IL1RAPL1: variants seen among roughly 807,000 people sequenced by gnomAD.
IL1RAPL1 encodes interleukin 1 receptor accessory protein like 1, also known as interleukin-1 receptor accessory protein-like 1.
Under a neutral mutation model 48.4 loss-of-function variants are expected in IL1RAPL1, and 3 were observed. The observed-to-expected ratio is 0.06, with a 90% CI of 0.03 to 0.16. The LOEUF (loss-of-function observed/expected upper bound fraction) is 0.16. IL1RAPL1 is among the 10% of genes least tolerant of loss of function. The pLI, the probability that IL1RAPL1 is intolerant of heterozygous loss-of-function variation, is 1.00. For missense variants in IL1RAPL1, 349 were observed against 530.6 expected, an observed-to-expected ratio of 0.66 and a Z score of 3.36; for synonymous variants, 185 against 187.7, an observed-to-expected ratio of 0.99 and a Z score of 0.12.
At chrX:28,737,192 TC>T (rs1569161895) in intron 1 of IL1RAPL1, among the ~76,000 whole-genome samples, 4 of 90,532 alleles carry the variant, frequency 4.4e-5, no homozygotes, top group East Asian at 3.6e-4. Context: ...CTTTCCTTTC[TC>T]TTTCTTTCTT....
chrX:29,343,957 G>A (rs1029348628), intron 3 of IL1RAPL1, among the ~76,000 whole-genome samples: 1 of 111,930 alleles, frequency 8.9e-6, no homozygotes, highest in Non-Finnish European at 1.9e-5. Flanking sequence ...AGGACATATC[G>A]AAAGTAGATT....
chrX:29,232,954 G>A (rs1414250574), intron 2 of IL1RAPL1, among the ~76,000 whole-genome samples: 8 of 108,786 alleles, frequency 7.4e-5, no homozygotes, highest in Non-Finnish European at 1.5e-4. Context: ...ACCCGCCACC[G>A]CACCCAGCTA....
rs752009854 is a variant in IL1RAPL1, at chrX:29,570,376, A to G, written c.704-98054A>G. 5.3e-5 allele frequency among the ~76,000 whole-genome samples: 6 copies of G among 112,618 alleles called. No homozygotes were observed. In the East Asian group the frequency reaches 1.7e-3, roughly 31 times the overall value. On this transcript the variant is annotated intron_variant, in intron 5 of 10. Transcript: ENST00000378993. ...TAAGCTAATTTTTATTTTAATACCAATAGACATTACATGCTTTCTTAGAAA... is the reference window on the plus strand; with the variant it reads ...TAAGCTAATTTTTATTTTAATACCAGTAGACATTACATGCTTTCTTAGAAA...
intron 6 of IL1RAPL1, among the ~76,000 whole-genome samples, chrX:29,881,549 A>T (rs982142286): frequency 9.1e-6 from 1 of 110,214 alleles, no homozygotes; most frequent in African/African-American, 3.3e-5. Context: ...AATTTTGTAA[A>T]TTTTAATTTT....
intron 6 of IL1RAPL1, among the ~76,000 whole-genome samples, chrX:29,803,247 A>ATATACACACATGTATATATGTATG: frequency 2.8e-5 from 1 of 36,032 alleles, no homozygotes; most frequent in Non-Finnish European, 5.4e-5. Context: ...ATATATGTAT[A>ATATACACACATGTATATATGTATG]CATATACACA....
intron 5 of IL1RAPL1, among the ~76,000 whole-genome samples, chrX:29,654,444 C>G (rs1446270944): frequency 1.8e-5 from 2 of 112,079 alleles, no homozygotes; most frequent in Non-Finnish European, 3.8e-5. Flanking sequence ...TTCCAAATGG[C>G]TCAGGAGGCC....
At chrX:28,971,454 T>C (rs758736343) in intron 2 of IL1RAPL1, among the ~76,000 whole-genome samples, 1 of 111,962 alleles carries the variant, frequency 8.9e-6, no homozygotes, top group South Asian at 3.7e-4. Context: ...CTTCGTAATC[T>C]CTAGCAGATA....
intron 2 of IL1RAPL1, among the ~76,000 whole-genome samples, chrX:29,236,066 A>G (rs907840477): frequency 1.8e-5 from 2 of 112,585 alleles, no homozygotes; most frequent in African/African-American, 6.5e-5. Context: ...ATCATTTGTC[A>G]ACAATTTTAT....
chrX:29,594,528 A>G (rs1923480888), intron 5 of IL1RAPL1, among the ~76,000 whole-genome samples: 1 of 111,776 alleles, frequency 8.9e-6, no homozygotes, highest in East Asian at 2.8e-4. Context: ...GTGCTAGAAT[A>G]CAATATATAT....
intron 1 of IL1RAPL1, among the ~76,000 whole-genome samples, chrX:28,657,562 T>G (rs957353475): frequency 3.5e-5 from 4 of 112,691 alleles, no homozygotes; most frequent in African/African-American, 1.3e-4. Flanking sequence ...TATATGGACA[T>G]TTGTATATTT....
intron 1 of IL1RAPL1, among the ~76,000 whole-genome samples, chrX:28,628,269 A>T (rs1934362949): frequency 8.9e-6 from 1 of 112,117 alleles, no homozygotes. Context: ...TATTAACCAA[A>T]AGAAGTCACA....
intron 2 of IL1RAPL1, among the ~76,000 whole-genome samples, chrX:29,126,122 G>T (rs1928894833): frequency 9.0e-6 from 1 of 111,300 alleles, no homozygotes; most frequent in Non-Finnish European, 1.9e-5. Flanking sequence ...TCAAAGAATA[G>T]CTAATTTTAC....
At chrX:29,670,603 T>C (rs918554369) in intron 6 of IL1RAPL1, among the ~76,000 whole-genome samples, 5 of 112,018 alleles carry the variant, frequency 4.5e-5, no homozygotes, top group African/African-American at 1.3e-4. Context: ...TTGCTAGCAT[T>C]GCTAGTAAGT....
chrX:28,591,953 A>G (rs1010939579), intron 1 of IL1RAPL1, among the ~76,000 whole-genome samples: 10 of 112,008 alleles, frequency 8.9e-5, no homozygotes, highest in African/African-American at 3.2e-4. Flanking sequence ...ATTATTAAGG[A>G]TTCCCTTAAG....
chrX:29,462,381 A>G (rs1433814422), intron 5 of IL1RAPL1, among the ~76,000 whole-genome samples: 1 of 111,699 alleles, frequency 9.0e-6, no homozygotes, highest in Non-Finnish European at 1.9e-5. Flanking sequence ...TCTCTCTTAT[A>G]AAAATTTTAA....
intron 6 of IL1RAPL1, among the ~76,000 whole-genome samples, chrX:29,700,033 G>A (rs972095913): frequency 9.0e-6 from 1 of 111,230 alleles, no homozygotes; most frequent in Admixed American, 9.6e-5. Flanking sequence ...GTGATCTTGT[G>A]TTATTCAGTT....
intron 1 of IL1RAPL1, among the ~76,000 whole-genome samples, chrX:28,689,498 C>G (rs192620509): frequency 1.3e-3 from 142 of 111,378 alleles, no homozygotes; most frequent in Non-Finnish European, 3.0e-4. Flanking sequence ...TATAAATTAC[C>G]CAGTCTCAGG....
intron 2 of IL1RAPL1, among the ~76,000 whole-genome samples, chrX:28,882,513 C>T (rs1922527258): frequency 2.7e-5 from 3 of 111,143 alleles, no homozygotes; most frequent in Non-Finnish European, 5.7e-5. Context: ...TGTGGTGGTG[C>T]ACACCTGTAA....
chrX:28,977,121 C>T (rs1454007989), intron 2 of IL1RAPL1, among the ~76,000 whole-genome samples: 1 of 112,375 alleles, frequency 8.9e-6, no homozygotes, highest in African/African-American at 3.2e-5. Context: ...TCAACTTCTG[C>T]TTATTTGTCA....
Sources: gnomAD v4.1 joint callset for allele counts (sites outside exome capture counted in the v4.1 genomes callset) on GRCh38, gnomAD v4.1.1 for gene constraint, MANE v1.5 for transcripts, NCBI Gene and HGNC (gene_info 2026-07-23, HGNC 2026-07-21) for gene names.